The following ARHGEF26 variants were observed in gnomAD, a reference collection of about 807,000 sequenced individuals.
The protein encoded by ARHGEF26 is Rho guanine nucleotide exchange factor 26.
A neutral mutation model predicts 89.4 loss-of-function variants in ARHGEF26; 59 were observed. The ratio of observed to expected loss-of-function variants is 0.66; its 90% CI spans 0.54 to 0.82. The LOEUF is 0.82. ARHGEF26 is among the 40% of genes least tolerant of loss of function. The probability of loss-of-function intolerance (pLI) is 0.00; values close to 1 mark genes in which losing one functional copy is unlikely to be tolerated. For missense variants in ARHGEF26, 1,234 were observed against 1,085.6 expected, an observed-to-expected ratio of 1.14 and a Z score of -1.92; for synonymous variants, 500 against 428.4, an observed-to-expected ratio of 1.17 and a Z score of -2.06.
intron 3 of ARHGEF26, among the ~76,000 whole-genome samples, chr3:154,125,027 T>G (rs952131500): frequency 1.3e-5 from 2 of 149,990 alleles, no homozygotes; most frequent in Non-Finnish European, 1.5e-5. Context: ...CTAATCAGAT[T>G]AATGGACTTT....
intron 4 of ARHGEF26, among the ~76,000 whole-genome samples, chr3:154,142,447 G>A (rs1430382668): frequency 6.6e-6 from 1 of 152,138 alleles, no homozygotes; most frequent in African/African-American, 2.4e-5. Flanking sequence ...GTACAATAAG[G>A]TAATTCCTGT....
intron 10 of ARHGEF26, among the ~76,000 whole-genome samples, chr3:154,220,661 A>G (rs1716070865): frequency 6.6e-6 from 1 of 152,264 alleles, no homozygotes; most frequent in South Asian, 2.1e-4. Context: ...CAAGAGGAGG[A>G]GCTGAGTGAG....
chr3:154,216,042 C>G (rs1715705618), intron 9 of ARHGEF26, among the ~76,000 whole-genome samples: 1 of 151,984 alleles, frequency 6.6e-6, no homozygotes, highest in African/African-American at 2.4e-5. Flanking sequence ...AGTGTATGAC[C>G]CAGTCTGTTT....
At chr3:154,153,032 A>G (rs1720120742) in intron 6 of ARHGEF26, 100 bp downstream of exon 6, 2 of 1,119,968 alleles carry the variant, frequency 1.8e-6, no homozygotes, top group East Asian at 3.0e-5. Context: ...ATCAAGTCTC[A>G]TTCAGTTGGC....
chr3:154,240,009 C>T (rs1717392385), intron 11 of ARHGEF26, among the ~76,000 whole-genome samples: 1 of 152,036 alleles, frequency 6.6e-6, no homozygotes, highest in South Asian at 2.1e-4. Flanking sequence ...GAAGGCTCCT[C>T]CTTCATTCTG....
chr3:154,255,830 G>C lies in ARHGEF26; in HGVS notation c.*357G>C. The C allele has an allele frequency of 2.9e-6, 3 of 1,035,866 alleles. No individual in the cohort carries two copies. In the African/African-American group the frequency reaches 5.1e-5, roughly 17 times the overall value. 64.2% of individuals were successfully genotyped at this position (1,035,866 alleles called of 1,614,324 possible). On this transcript the variant is annotated 3_prime_UTR_variant, in exon 15 of 15. Transcript: ENST00000465093. ...TTCTCTATCCTTGCATTACTAAGGTGACTGTCTCTCTTTATACATCCTTGT... is the reference window on the plus strand; with the variant it reads ...TTCTCTATCCTTGCATTACTAAGGTCACTGTCTCTCTTTATACATCCTTGT...
At chr3:154,210,180 G>T (rs1327796671) in intron 9 of ARHGEF26, among the ~76,000 whole-genome samples, 1 of 152,092 alleles carries the variant, frequency 6.6e-6, no homozygotes, top group African/African-American at 2.4e-5. Context: ...GTCCAGAAAT[G>T]CCATCCAGAA....
chr3:154,144,525 C>T (rs527977110), intron 4 of ARHGEF26, among the ~76,000 whole-genome samples: 31 of 152,266 alleles, frequency 2.0e-4, no homozygotes, highest in Non-Finnish European at 4.3e-4. Flanking sequence ...TGAAGTAATG[C>T]ACGTTTATTT....
In ARHGEF26 at chr3:154,191,279, T is replaced by C; in HGVS notation, c.1641-10T>C. 6.3e-7 allele frequency: 1 copy of C among 1,596,142 alleles called. No homozygotes were observed. On this transcript the variant is annotated splice_polypyrimidine_tract_variant and intron_variant, in intron 7 of 14. Transcript: ENST00000465093. ...ATTTTGAAGTTTCTCTTTTCTTTGTTTTCCCTCAGAGCTACCAATCCATCC... is the reference window on the plus strand; with the variant it reads ...ATTTTGAAGTTTCTCTTTTCTTTGTCTTCCCTCAGAGCTACCAATCCATCC...
chr3:154,253,737 G>A (rs969177206), intron 13 of ARHGEF26, among the ~76,000 whole-genome samples: 3 of 152,130 alleles, frequency 2.0e-5, no homozygotes, highest in African/African-American at 7.2e-5. Context: ...ATGCCTATTA[G>A]CTTCCTAACT....
chr3:154,193,810 G>C (rs1253771744), intron 8 of ARHGEF26, among the ~76,000 whole-genome samples: 2 of 151,538 alleles, frequency 1.3e-5, no homozygotes, highest in African/African-American at 4.9e-5. Flanking sequence ...AGAAAACCTA[G>C]CAGGCTTTTT....
At chr3:154,139,577 C>G (rs140431054) in intron 4 of ARHGEF26, among the ~76,000 whole-genome samples, 1 of 152,106 alleles carries the variant, frequency 6.6e-6, no homozygotes, top group African/African-American at 2.4e-5. Flanking sequence ...TTGTATTTGC[C>G]CTGTTGAGCT....
At chr3:154,243,377 G>C (rs1284997634) in intron 12 of ARHGEF26, among the ~76,000 whole-genome samples, 1 of 152,198 alleles carries the variant, frequency 6.6e-6, no homozygotes, top group Non-Finnish European at 1.5e-5. Flanking sequence ...TCTCAACAGA[G>C]ATTTTCCTGA....
intron 12 of ARHGEF26, among the ~76,000 whole-genome samples, chr3:154,247,116 C>G (rs1302571464): frequency 6.6e-6 from 1 of 152,150 alleles, no homozygotes; most frequent in Non-Finnish European, 1.5e-5. Flanking sequence ...TTCATGCTAA[C>G]CCTTTTTTTG....
rs967678345 is a variant in ARHGEF26 at position 154,256,882 on chromosome 3, A to G, written c.*1409A>G. ...TTTTCCACTAGTGCACAGAGAGAGA[A>G]AGGTTATCTTAATAGTCGGTTTCAT... On this transcript the variant is annotated 3_prime_UTR_variant, in exon 15 of 15. Coordinates refer to ENST00000465093, the MANE Select transcript of ARHGEF26 (RefSeq NM_015595.4). 4.6e-6 allele frequency: 7 copies of G among 1,534,968 alleles called. No homozygotes were observed. Among genetic ancestry groups the G allele is most frequent in the African/African-American group, 4.1e-5 (3 of 72,916 alleles).
At chr3:154,191,673 A>G (rs1441700774) in intron 8 of ARHGEF26, among the ~76,000 whole-genome samples, 1 of 152,124 alleles carries the variant, frequency 6.6e-6, no homozygotes, top group Non-Finnish European at 1.5e-5. Context: ...ATTTTTTGAA[A>G]TAGGAAGAGT....
intron 12 of ARHGEF26, among the ~76,000 whole-genome samples, chr3:154,249,931 A>G (rs1024310105): frequency 5.9e-5 from 9 of 152,150 alleles, no homozygotes; most frequent in Admixed American, 2.0e-4. Context: ...GGGTAAGTCT[A>G]TGCCCTGGTT....
At chr3:154,173,542 G>T (rs534017994) in intron 6 of ARHGEF26, among the ~76,000 whole-genome samples, 1 of 152,220 alleles carries the variant, frequency 6.6e-6, no homozygotes, top group East Asian at 1.9e-4. Context: ...CCATACATTT[G>T]TCAACGTTTG....
intron 13 of ARHGEF26, among the ~76,000 whole-genome samples, chr3:154,253,658 GA>G (rs1718303510): frequency 6.6e-6 from 1 of 152,026 alleles, no homozygotes; most frequent in South Asian, 2.1e-4. Context: ...AATTCTTTTT[GA>G]CCTTCTAAGA....
Sources: allele counts gnomAD v4.1 joint callset (sites outside exome capture counted in the v4.1 genomes callset), GRCh38; gene constraint gnomAD v4.1.1; transcripts MANE v1.5; gene names NCBI Gene and HGNC (gene_info 2026-07-23, HGNC 2026-07-21).